BSN: variants seen among roughly 807,000 people sequenced by gnomAD.
BSN encodes the protein protein bassoon.
A neutral mutation model predicts 264.8 loss-of-function variants in BSN; 57 were observed. The ratio of observed to expected loss-of-function variants is 0.22; its 90% CI spans 0.17 to 0.27. The LOEUF (loss-of-function observed/expected upper bound fraction) is 0.27, where lower values mean the gene tolerates loss of function less well. BSN is among the 10% of genes least tolerant of loss of function. The pLI, the probability that BSN is intolerant of heterozygous loss-of-function variation, is 1.00. For missense variants in BSN, 4,615 were observed against 5,232.5 expected (o/e 0.88, Z 3.64); for synonymous variants, 2,059 against 2,137.3 (o/e 0.96, Z 1.01).
At chr3:49,664,276 C>T (rs2052691898) in intron 8 of BSN, 147 bp from the exon 9 acceptor site, 2 of 1,062,506 alleles carry the variant, frequency 1.9e-6, no homozygotes, top group Admixed American at 2.2e-5. Context: ...CCTGTTCTTA[C>T]CTTCTTCTCT....
At chr3:49,603,619 G>A (rs2052088703) in intron 1 of BSN, among the ~76,000 whole-genome samples, 1 of 152,208 alleles carries the variant, frequency 6.6e-6, no homozygotes, top group Non-Finnish European at 1.5e-5. Flanking sequence ...CCTCATGGTA[G>A]GAACAAGGTG....
Position 49,653,231 on chromosome 3 carries a change from C to T in BSN, c.3675C>T (p.Gly1225=). 6.2e-7 allele frequency: 1 copy of T among 1,612,358 alleles called. No individual in the cohort carries two copies. The highest frequency in any genetic ancestry group is 8.5e-7 in the Non-Finnish European group (1 of 1,179,818). ...AGCCCACAGGCCCCCGGGGCCTGGG[C>T]TCCTTCGAATATCAAGACACTACAG... ...PSQPTGPRGL[G]SFEYQDTTDR... is the part of the protein sequence containing the mutation. The change falls in exon 5 of 12, where the codon GGC becomes GGT. Residue 1225 remains glycine (G), a synonymous_variant. Transcript: ENST00000296452. This position sits in a 1 kb window ranked among gnomAD's most constrained non-coding sequence, Gnocchi z 6.3.
At position 49,625,002 on chromosome 3, in the gene BSN, A is replaced by T. The variant is rs1252376752; in HGVS notation, c.252A>T (p.Glu84Asp). Residue 84 changes from glutamate (E) to aspartate (D), a missense_variant, in exon 2 of 12, where the codon GAA (glutamate) becomes GAT (aspartate). Transcript: ENST00000296452. The surrounding 1 kb of genome is among the most constrained non-coding windows in gnomAD (Gnocchi z 4.4). ...GSTSRRLDPK[E>D]PLGNQRAASP... ...CTTCCCGGAGACTGGACCCCAAGGA[A>T]CCCCTGGGTAACCAGAGAGCAGCTT... 7.8e-6 allele frequency: 12 copies of T among 1,542,488 alleles called. No homozygotes were observed. Among genetic ancestry groups the T allele is most frequent in the Non-Finnish European group, 1.0e-5 (12 of 1,147,778 alleles).
chr3:49,655,790 T>G lies in BSN; in HGVS notation c.6234T>G (p.Asp2078Glu), dbSNP rs1002677390. The G allele has an allele frequency of 2.5e-6, 4 of 1,613,272 alleles. No homozygotes were observed. The African/African-American group carries it at 4.0e-5, about 16-fold the overall frequency. Residue 2078 changes from aspartate to glutamate, a missense_variant, in exon 5 of 12, where the codon GAT (aspartate) becomes GAG (glutamate). Coordinates refer to ENST00000296452, the MANE Select transcript of BSN (RefSeq NM_003458.4). Reference sequence around the variant, plus strand: ...ACCACAGGTACGGCCCACGGGGAGATGCAGTTGGCTTCCAGGAGGCCAGCC... The same window carrying G: ...ACCACAGGTACGGCCCACGGGGAGAGGCAGTTGGCTTCCAGGAGGCCAGCC... ...YSDHRYGPRG[D>E]AVGFQEASLA...
intron 1 of BSN, among the ~76,000 whole-genome samples, chr3:49,604,474 C>A (rs2052095488): frequency 6.6e-6 from 1 of 152,092 alleles, no homozygotes; most frequent in Non-Finnish European, 1.5e-5. Flanking sequence ...CAGTATTTGT[C>A]CTTTTGTGAC....
rs2052721402 is a variant in BSN, at chr3:49,667,618, A to G, written c.*133A>G. 1 of 152,702 alleles carries G rather than the reference A, an allele frequency of 6.5e-6. No individual in the cohort carries two copies. Among genetic ancestry groups the G allele is most frequent in the South Asian group, 2.1e-4 (1 of 4,830 alleles). The allele number at this position is 152,702 out of a possible 1,614,324, so 9.5% of individuals were successfully genotyped here. Reference sequence around the variant, plus strand: ...CTACAATCTGGCAAACCCTTGGCCCAAAGACTCACCAGGTGGGACGTGGCA... The same window carrying G: ...CTACAATCTGGCAAACCCTTGGCCCGAAGACTCACCAGGTGGGACGTGGCA... On this transcript the variant is annotated 3_prime_UTR_variant, in exon 12 of 12. Transcript: ENST00000296452.
chr3:49,666,627 C>T (rs922356615), intron 11 of BSN, among the ~76,000 whole-genome samples: 3 of 152,122 alleles, frequency 2.0e-5, no homozygotes, highest in African/African-American at 7.2e-5. Context: ...GTGAGGGAAG[C>T]TTGAGGGAGG....
chr3:49,624,084 T>G (rs2108056858), intron 1 of BSN, among the ~76,000 whole-genome samples: 1 of 152,068 alleles, frequency 6.6e-6, no homozygotes, highest in African/African-American at 2.4e-5. Flanking sequence ...CACTGCAAGC[T>G]CCACCTCCCG....
rs182014868 is a variant in BSN, at chr3:49,572,708, T to C, written c.224+17882T>C. 2.7e-3 allele frequency among the ~76,000 whole-genome samples: 418 copies of C among 152,284 alleles called. 3 individuals are homozygous for C. Among genetic ancestry groups the C allele is most frequent in the African/African-American group, 9.3e-3 (388 of 41,554 alleles). On this transcript the variant is annotated intron_variant, in intron 1 of 11. Coordinates refer to ENST00000296452, the MANE Select transcript of BSN (RefSeq NM_003458.4). The stretch of plus-strand genomic sequence containing the variant: ...GCCACCACGCCCGGCTAATTTTTTG[T>C]ATTTTTAGTAGAGACAGGGTTTCAC...
Position 49,657,488 on chromosome 3 carries a change from G to A in BSN, c.7932G>A (p.Lys2644=), listed in dbSNP as rs1248507260. ...ACTCAGACTCAGGCTCTGACAGCAA[G>A]CACGATGCCACTGCCTCATCATCCA... ...PRHSDSGSDS[K]HDATASSSSA... Residue 2644 remains lysine, a synonymous_variant, in exon 5 of 12, where the codon AAG becomes AAA. Transcript: ENST00000296452. The A allele has an allele frequency of 3.1e-6, 5 of 1,613,196 alleles. No individual in the cohort carries two copies. Among genetic ancestry groups the A allele is most frequent in the Non-Finnish European group, 4.2e-6 (5 of 1,179,990 alleles).
intron 3 of BSN, among the ~76,000 whole-genome samples, chr3:49,645,039 G>C (rs1450553941): frequency 2.6e-5 from 4 of 152,162 alleles, no homozygotes; most frequent in Admixed American, 6.5e-5. Flanking sequence ...GATGGCCGGT[G>C]TTCCCCCCAT....
rs2052542342 is a variant in BSN at position 49,651,738 on chromosome 3, G to C, written c.2182G>C (p.Gly728Arg). Reference protein sequence around the residue: ...PPSPSEIHKVGSSMRPLLQAQ... With the variant: ...PPSPSEIHKVRSSMRPLLQAQ... The stretch of plus-strand genomic sequence containing the variant: ...CAGCCCCTCCGAGATCCACAAGGTG[G>C]GGAGCAGCATGCGGCCTTTGCTGCA... Residue 728 changes from glycine to arginine, a missense_variant, in exon 5 of 12, where the codon GGG (glycine) becomes CGG (arginine). Gly to Arg is a moderately radical substitution (Grantham distance 125). This residue lies in a region of BSN where 1,197 missense variants were observed against 1,348.0 expected (regional missense o/e 0.89). Transcript: ENST00000296452. This position sits in a 1 kb window ranked among gnomAD's most constrained non-coding sequence, Gnocchi z 5.4. 1.9e-6 allele frequency: 3 copies of C among 1,613,632 alleles called. No homozygotes were observed. In the Admixed American group the frequency reaches 5.0e-5, roughly 27 times the overall value.
chr3:49,566,475 C>A (rs969432155), intron 1 of BSN, among the ~76,000 whole-genome samples: 4 of 152,076 alleles, frequency 2.6e-5, no homozygotes, highest in African/African-American at 9.7e-5. Context: ...TCTCCTTGAC[C>A]TACTTTAGTG....
In BSN at chr3:49,632,696, C is replaced by T. The variant is rs12497107; in HGVS notation, c.633+7313C>T. On this transcript the variant is annotated intron_variant, in intron 2 of 11. Coordinates refer to ENST00000296452, the MANE Select transcript of BSN (RefSeq NM_003458.4). ...GTGGGCACCTGTGCTCCCAGCTGCT[C>T]GGGTGGCTGAGGCAGGAGAATCGCT... Among the ~76,000 whole-genome samples the T allele has an allele frequency of 6.6e-3, 1,009 of 151,994 alleles. 33 individuals are homozygous for T. Among genetic ancestry groups the T allele is most frequent in the Admixed American group, 0.06 (915 of 15,280 alleles).
rs778881240 is a variant in BSN at position 49,663,441 on chromosome 3, A to G, written c.11283A>G (p.Ser3761=). The G allele has an allele frequency of 1.9e-6, 3 of 1,612,964 alleles. No homozygotes were observed. Among genetic ancestry groups the G allele is most frequent in the South Asian group, 2.2e-5 (2 of 91,092 alleles). Reference sequence around the variant, plus strand: ...CTCCAGGACCACAGCAGTCACAGTCACCATCATCCAGGCAAATACCCTCTG... The same window carrying G: ...CTCCAGGACCACAGCAGTCACAGTCGCCATCATCCAGGCAAATACCCTCTG... The part of the protein sequence containing the change: ...QAAPGPQQSQ[S]PSSRQIPSGA... The change falls in exon 7 of 12, where the codon TCA becomes TCG. Residue 3761 remains serine, a synonymous_variant. Transcript: ENST00000296452.
intron 1 of BSN, among the ~76,000 whole-genome samples, chr3:49,583,808 A>G (rs946574624): frequency 4.6e-5 from 7 of 151,990 alleles, no homozygotes; most frequent in East Asian, 1.9e-4. Flanking sequence ...GAATTTGTCA[A>G]TTTCATCTAA....
At chr3:49,606,240 T>TATTAAAAATATATATAATATATATTAAAA (rs1287626014) in intron 1 of BSN, among the ~76,000 whole-genome samples, 1 of 60,136 alleles carries the variant, frequency 1.7e-5, no homozygotes, top group Non-Finnish European at 2.8e-5. Flanking sequence ...ATATTATATA[T>TATTAAAAATATATATAATATATATTAAAA]GTATATATTA....
intron 1 of BSN, among the ~76,000 whole-genome samples, chr3:49,569,222 G>A (rs967080089): frequency 6.6e-6 from 1 of 152,098 alleles, no homozygotes; most frequent in Non-Finnish European, 1.5e-5. Flanking sequence ...TCAAGTCTGG[G>A]TTGGAAAAAT....
chr3:49,560,483 C>T (rs896690123), intron 1 of BSN, among the ~76,000 whole-genome samples: 5 of 152,214 alleles, frequency 3.3e-5, no homozygotes, highest in African/African-American at 1.2e-4. Flanking sequence ...TACTTACTGC[C>T]TGGGGACTGA....
Sources: allele counts gnomAD v4.1 joint callset (sites outside exome capture counted in the v4.1 genomes callset), GRCh38; gene constraint gnomAD v4.1.1; regional missense constraint gnomAD v4.1.1; non-coding constraint Gnocchi (gnomAD v3.1); transcripts MANE v1.5; gene names NCBI Gene and HGNC (gene_info 2026-07-23, HGNC 2026-07-21).